The following WDR49 variants were observed in gnomAD, a reference collection of about 807,000 sequenced individuals.
WDR49 encodes the protein cilia- and flagella-associated protein 337.
In WDR49, 107 loss-of-function variants were observed where a neutral mutation model predicts 119.5. That is an observed-to-expected ratio of 0.90 (90% CI 0.77 to 1.05). The LOEUF is 1.05. Among genes scored for constraint, WDR49 ranks in the 50% least tolerant of loss-of-function variants. WDR49 has a pLI of 0.00. For synonymous variants in WDR49, 425 were observed against 418.8 expected, an observed-to-expected ratio of 1.01 and a Z score of -0.18; for missense variants, 1,240 against 1,220.5, an observed-to-expected ratio of 1.02 and a Z score of -0.24.
intron 8 of WDR49, among the ~76,000 whole-genome samples, chr3:167,570,934 G>T (rs1373654912): frequency 6.6e-6 from 1 of 151,538 alleles, no homozygotes; most frequent in Non-Finnish European, 1.5e-5. Context: ...TACTCAGGAG[G>T]TTGAGGTAGG....
At chr3:167,600,114 T>C (rs980144030) in intron 7 of WDR49, among the ~76,000 whole-genome samples, 3 of 152,044 alleles carry the variant, frequency 2.0e-5, no homozygotes, top group Admixed American at 1.3e-4. Context: ...GTATCCAAGA[T>C]GCAAGACAAA....
At chr3:167,527,790 A>G (rs369353094) in intron 15 of WDR49, 30 bp downstream of exon 15, 8 of 1,597,042 alleles carry the variant, frequency 5.0e-6, no homozygotes, top group Admixed American at 1.7e-5. Flanking sequence ...TCAAGTAAAT[A>G]CTAGAATAAT....
At chr3:167,587,251 G>T (rs1714866125) in intron 7 of WDR49, among the ~76,000 whole-genome samples, 2 of 152,126 alleles carry the variant, frequency 1.3e-5, no homozygotes, top group South Asian at 4.1e-4. Flanking sequence ...AAATCAGATT[G>T]TGTTAAATTC....
At chr3:167,553,553 C>T (rs2108264750) in intron 10 of WDR49, among the ~76,000 whole-genome samples, 1 of 152,108 alleles carries the variant, frequency 6.6e-6, no homozygotes, top group East Asian at 1.9e-4. Context: ...TAAAAAATTC[C>T]TTTTTGTTAT....
intron 7 of WDR49, among the ~76,000 whole-genome samples, chr3:167,579,216 T>G (rs919269660): frequency 6.6e-6 from 1 of 152,156 alleles, no homozygotes; most frequent in Non-Finnish European, 1.5e-5. Context: ...TTTATAGCAG[T>G]GTGAAAATGG....
At chr3:167,570,437 C>G (rs972872487) in intron 8 of WDR49, among the ~76,000 whole-genome samples, 1 of 152,064 alleles carries the variant, frequency 6.6e-6, no homozygotes, top group African/African-American at 2.4e-5. Flanking sequence ...GAAAATTATA[C>G]CTCATCCCTC....
Position 167,620,543 on chromosome 3 carries a change from A to G in WDR49, c.844T>C (p.Cys282Arg). ...ISLFERPASA[C>R]EDGEATMTIN... is the part of the protein sequence containing the mutation. ...GTCATAGTGGCTTCTCCATCTTCAC[A>G]TGCACTAGCAGGCCGTTCAAACAGG... The change falls in exon 5 of 19, where the codon TGT (cysteine) becomes CGT (arginine). Residue 282 changes from cysteine to arginine, a missense_variant. Physicochemically the swap from Cys to Arg is radical, Grantham distance 180. Transcript: ENST00000682715. 2.0e-6 allele frequency: 3 copies of G among 1,535,720 alleles called. No individual in the cohort carries two copies. The highest frequency in any genetic ancestry group is 2.4e-5 in the East Asian group (1 of 40,896).
chr3:167,586,577 A>T (rs1577257377), intron 7 of WDR49, among the ~76,000 whole-genome samples: 1 of 152,240 alleles, frequency 6.6e-6, no homozygotes, highest in East Asian at 1.9e-4. Flanking sequence ...TCTTGAAAAC[A>T]TAATGTGTTT....
At chr3:167,604,914 G>A (rs908256972) in intron 5 of WDR49, among the ~76,000 whole-genome samples, 3 of 152,072 alleles carry the variant, frequency 2.0e-5, no homozygotes, top group Admixed American at 1.3e-4. Context: ...CTCCAGAACT[G>A]TGAGAATAAA....
chr3:167,634,112 T>C (rs1217570206), intron 2 of WDR49, among the ~76,000 whole-genome samples: 1 of 151,936 alleles, frequency 6.6e-6, no homozygotes, highest in African/African-American at 2.4e-5. Flanking sequence ...CATTCAAATG[T>C]AGACTTTCAA....
intron 9 of WDR49, among the ~76,000 whole-genome samples, chr3:167,556,932 G>A (rs1202861701): frequency 1.3e-5 from 2 of 152,204 alleles, no homozygotes; most frequent in Non-Finnish European, 2.9e-5. Context: ...GGCTGAAGCA[G>A]GAGAATAGCT....
chr3:167,629,613 C>G (rs1480783334), intron 2 of WDR49, among the ~76,000 whole-genome samples: 1 of 151,910 alleles, frequency 6.6e-6, no homozygotes, highest in Non-Finnish European at 1.5e-5. Flanking sequence ...TGGATGTGAG[C>G]AAAGTAAATT....
intron 16 of WDR49, among the ~76,000 whole-genome samples, chr3:167,509,782 A>G (rs571198147): frequency 1.3e-5 from 2 of 152,334 alleles, no homozygotes; most frequent in East Asian, 1.9e-4. Context: ...TAAAATTTGT[A>G]AACAGTCTAC....
intron 2 of WDR49, among the ~76,000 whole-genome samples, chr3:167,635,470 T>A (rs1000303890): frequency 6.6e-6 from 1 of 151,736 alleles, no homozygotes; most frequent in Admixed American, 6.6e-5. Flanking sequence ...TTTCAAAATC[T>A]GCCAACCCTT....
At chr3:167,522,003 T>TAGAC (rs747816050) in intron 16 of WDR49, among the ~76,000 whole-genome samples, 1 of 148,038 alleles carries the variant, frequency 6.8e-6, no homozygotes, top group Non-Finnish European at 1.5e-5. Flanking sequence ...GATAGATAGA[T>TAGAC]AGATAGATAG....
chr3:167,559,056 C>T (rs116111987), intron 9 of WDR49, among the ~76,000 whole-genome samples: 1,614 of 152,182 alleles, frequency 0.011, 26 homozygotes, highest in African/African-American at 0.037. Context: ...TTCCATTAAC[C>T]TTCTCATAGG....
intron 10 of WDR49, among the ~76,000 whole-genome samples, chr3:167,547,928 G>C (rs1025974369): frequency 6.6e-6 from 1 of 151,952 alleles, no homozygotes; most frequent in African/African-American, 2.4e-5. Flanking sequence ...TTTCAACTTT[G>C]ATAATCACTT....
intron 18 of WDR49, among the ~76,000 whole-genome samples, chr3:167,485,970 T>G (rs907365481): frequency 6.7e-6 from 1 of 150,370 alleles, no homozygotes; most frequent in Non-Finnish European, 1.5e-5. Flanking sequence ...CCAAGGTCAA[T>G]GCAAAAGAAA....
chr3:167,654,165 C>A (rs1358984357), upstream of WDR49, among the ~76,000 whole-genome samples: 1 of 152,068 alleles, frequency 6.6e-6, no homozygotes, highest in Admixed American at 6.5e-5. Flanking sequence ...TATTTAAAGA[C>A]AACTTTTACC....
Sources: allele counts gnomAD v4.1 joint callset (sites outside exome capture counted in the v4.1 genomes callset), GRCh38; gene constraint gnomAD v4.1.1; transcripts MANE v1.5; gene names NCBI Gene and HGNC (gene_info 2026-07-23, HGNC 2026-07-21).